Variants in ATP6V1C1 observed in about 807,000 individuals in gnomAD.
ATP6V1C1 encodes ATPase H+ transporting V1 subunit C1.
ATP6V1C1 carries 45 observed loss-of-function variants against 53.9 expected under a neutral mutation model. The observed-to-expected ratio is 0.83, with a 90% CI of 0.66 to 1.07. The LOEUF (loss-of-function observed/expected upper bound fraction) is 1.07. ATP6V1C1 is among the 50% of genes least tolerant of loss of function. The pLI, the probability that ATP6V1C1 is intolerant of heterozygous loss-of-function variation, is 0.00. For synonymous variants in ATP6V1C1, 153 were observed against 155.2 expected, an observed-to-expected ratio of 0.99 and a Z score of 0.11; for missense variants, 315 against 440.3, an observed-to-expected ratio of 0.72 and a Z score of 2.55.
chr8:103,058,867 A>G (rs1563608748), intron 8 of ATP6V1C1, among the ~76,000 whole-genome samples: 1 of 152,238 alleles, frequency 6.6e-6, no homozygotes, highest in African/African-American at 2.4e-5. Flanking sequence ...TATAAATGCC[A>G]TGCCAAGGCT....
intron 7 of ATP6V1C1, among the ~76,000 whole-genome samples, chr8:103,054,795 C>A (rs1817260151): frequency 6.6e-6 from 1 of 152,006 alleles, no homozygotes; most frequent in Non-Finnish European, 1.5e-5. Context: ...TTTGGGGGAT[C>A]CAAACTCAGG....
intron 1 of ATP6V1C1, among the ~76,000 whole-genome samples, chr8:103,023,650 G>A (rs938583319): frequency 5.9e-5 from 9 of 152,168 alleles, no homozygotes; most frequent in African/African-American, 2.2e-4. Flanking sequence ...TACAGGGAGG[G>A]ATCACTTTCA....
At chr8:103,041,710 A>G (rs1233779760) in intron 2 of ATP6V1C1, among the ~76,000 whole-genome samples, 2 of 152,098 alleles carry the variant, frequency 1.3e-5, no homozygotes, top group African/African-American at 4.8e-5. Flanking sequence ...AGTCTCTACT[A>G]AAAATACAAA....
At position 103,064,155 on chromosome 8, in the gene ATP6V1C1, A is replaced by G. The variant is rs1478281690; in HGVS notation, c.829-559A>G. ...AGGTATTTGAAATCCGCTTAATCCT[A>G]CTAAATATTTGAAGTTTAAAAAGAA... is the stretch of plus-strand genomic sequence containing the variant. On this transcript the variant is annotated intron_variant, in intron 10 of 12. Transcript: ENST00000518738. Among the ~76,000 whole-genome samples the G allele has an allele frequency of 4.6e-5, 7 of 152,286 alleles. No individual in the cohort carries two copies. In the East Asian group the frequency reaches 1.2e-3, roughly 25 times the overall value.
rs1311587735 is a variant in ATP6V1C1 at position 103,055,843 on chromosome 8, A to G, written c.573-25A>G. The G allele has an allele frequency of 1.8e-5, 29 of 1,600,104 alleles. 1 individual carries two copies. Among genetic ancestry groups the G allele is most frequent in the Non-Finnish European group, 2.5e-5 (29 of 1,173,384 alleles). ...GAAATAGGACTTGTTTTTCTTTTCC[A>G]ATGTGTATTGTACCTTTTCTGCAGG... On this transcript the variant is annotated intron_variant, in intron 7 of 12. Coordinates refer to ENST00000518738, the MANE Select transcript of ATP6V1C1 (RefSeq NM_001695.5).
rs768370449 is a variant in ATP6V1C1, at chr8:103,049,956, C to CA, written c.286+1011dup. Reference sequence around the variant, plus strand: ...TGGGTGACAGAGCAAGACCCTGTCTCAAAAAAAAAAGGAAGAAGGATATAA... The same window carrying CA: ...TGGGTGACAGAGCAAGACCCTGTCTCAAAAAAAAAAAGGAAGAAGGATATAA... On this transcript the variant is annotated intron_variant, in intron 4 of 12. Coordinates refer to ENST00000518738, the MANE Select transcript of ATP6V1C1 (RefSeq NM_001695.5). Among the ~76,000 whole-genome samples, 1,229 of 144,348 alleles carry CA rather than the reference C, an allele frequency of 8.5e-3. 19 individuals carry two copies. Among genetic ancestry groups the CA allele is most frequent in the Middle Eastern group, 0.031 (9 of 288 alleles). 94.7% of individuals were successfully genotyped at this position (144,348 alleles called of 152,430 possible). A position where few individuals can be genotyped will look rare whatever the true frequency, so the allele number is the denominator to read the frequency against.
chr8:103,056,442 T>A (rs1817290305), intron 8 of ATP6V1C1, among the ~76,000 whole-genome samples: 1 of 152,208 alleles, frequency 6.6e-6, no homozygotes, highest in Non-Finnish European at 1.5e-5. Flanking sequence ...AACAAACCTG[T>A]TTTTATTAAG....
chr8:103,035,269 AT>A (rs35108896), intron 1 of ATP6V1C1, among the ~76,000 whole-genome samples: 1 of 151,734 alleles, frequency 6.6e-6, no homozygotes, highest in Non-Finnish European at 1.5e-5. Context: ...AAAAAACATG[AT>A]TTTTTTTGCG....
intron 3 of ATP6V1C1, among the ~76,000 whole-genome samples, chr8:103,043,339 T>A (rs944712168): frequency 1.4e-5 from 2 of 146,102 alleles, no homozygotes; most frequent in African/African-American, 2.5e-5. Flanking sequence ...TTTGTTTTTT[T>A]TGAGACGGAG....
rs767051501 is a variant in ATP6V1C1 at position 103,042,389 on chromosome 8, T to C, written c.182T>C (p.Leu61Pro). Residue 61 changes from leucine (L) to proline (P), a missense_variant, in exon 3 of 13, where the codon CTG becomes CCG. Leu to Pro is a moderately conservative substitution (Grantham distance 98). Coordinates refer to ENST00000518738, the MANE Select transcript of ATP6V1C1 (RefSeq NM_001695.5). ...LVGLSDELAK[L>P]DAFVEGVVKK... ...GGCTTGTCAGATGAACTGGCTAAAC[T>C]GGATGCATTTGTAGAAGGGTAATGT... The C allele has an allele frequency of 3.7e-6, 6 of 1,614,014 alleles. No individual in the cohort carries two copies. Among genetic ancestry groups the C allele is most frequent in the Non-Finnish European group, 5.1e-6 (6 of 1,179,968 alleles).
At chr8:103,049,833 T>G (rs1057511490) in intron 4 of ATP6V1C1, among the ~76,000 whole-genome samples, 1 of 152,004 alleles carries the variant, frequency 6.6e-6, no homozygotes, top group Non-Finnish European at 1.5e-5. Flanking sequence ...GGCATATGCC[T>G]GTAGTCTCAG....
intron 1 of ATP6V1C1, among the ~76,000 whole-genome samples, chr8:103,034,214 G>T (rs1030559482): frequency 2.6e-4 from 39 of 152,120 alleles, no homozygotes; most frequent in African/African-American, 9.4e-4. Context: ...CATAGACCTG[G>T]ATCTGAGCCT....
intron 1 of ATP6V1C1, among the ~76,000 whole-genome samples, chr8:103,036,806 C>T (rs1373343602): frequency 6.6e-6 from 1 of 152,172 alleles, no homozygotes; most frequent in African/African-American, 2.4e-5. Flanking sequence ...GAGGAAGCTG[C>T]AGTTTAGATA....
intron 11 of ATP6V1C1, among the ~76,000 whole-genome samples, chr8:103,065,507 T>G (rs2131405117): frequency 6.6e-6 from 1 of 152,252 alleles, no homozygotes; most frequent in African/African-American, 2.4e-5. Context: ...GAGCCGAGAT[T>G]GTGCCACTGC....
chr8:103,043,962 C>G (rs995166048), intron 3 of ATP6V1C1, among the ~76,000 whole-genome samples: 1 of 152,176 alleles, frequency 6.6e-6, no homozygotes, highest in East Asian at 1.9e-4. Context: ...GATGTTGGCT[C>G]ACTGCAGCCT....
At chr8:103,021,417 G>A (rs1330428195) in intron 1 of ATP6V1C1, 192 bp downstream of exon 1, 1 of 152,326 alleles carries the variant, frequency 6.6e-6, no homozygotes, top group Non-Finnish European at 1.5e-5. Context: ...CCGTCTCTAA[G>A]GAAGAGAAGG....
At position 103,064,721 on chromosome 8, in the gene ATP6V1C1, T is replaced by G; in HGVS notation, c.836T>G (p.Leu279Arg). Residue 279 changes from leucine (L) to arginine (R), a missense_variant, in exon 11 of 13, where the codon CTT (leucine) becomes CGT (arginine). Leu to Arg is a moderately radical substitution (Grantham distance 102, BLOSUM62 -2). Transcript: ENST00000518738. ...STDKKKQFGP[L>R]VRWLKVNFSE... ...TTTTTTTTCTTTTTATAGGGACCAC[T>G]TGTACGGTGGCTGAAAGTGAATTTT... 2 of 1,612,768 alleles carry G rather than the reference T, an allele frequency of 1.2e-6. No individual in the cohort carries two copies. The highest frequency in any genetic ancestry group is 1.7e-6 in the Non-Finnish European group (2 of 1,179,508).
chr8:103,036,053 C>A (rs992337977), intron 1 of ATP6V1C1, among the ~76,000 whole-genome samples: 3 of 152,134 alleles, frequency 2.0e-5, no homozygotes, highest in African/African-American at 7.2e-5. Context: ...AGCCTGGAAC[C>A]AAACAGGGTG....
At chr8:103,049,152 A>G (rs1481115814) in intron 4 of ATP6V1C1, among the ~76,000 whole-genome samples, 197 bp downstream of exon 4, 3 of 152,258 alleles carry the variant, frequency 2.0e-5, no homozygotes, top group Non-Finnish European at 2.9e-5. Flanking sequence ...ATCTCATAGA[A>G]GACAGTCTTA....
Sources: allele counts gnomAD v4.1 joint callset (sites outside exome capture counted in the v4.1 genomes callset), GRCh38; gene constraint gnomAD v4.1.1; transcripts MANE v1.5; gene names NCBI Gene and HGNC (gene_info 2026-07-23, HGNC 2026-07-21).